ASB3: variants seen among roughly 807,000 people sequenced by gnomAD.
The protein encoded by ASB3 is ankyrin repeat and SOCS box containing 3.
A neutral mutation model predicts 54.5 loss-of-function variants in ASB3; 41 were observed. The ratio of observed to expected loss-of-function variants is 0.75; its 90% confidence interval spans 0.59 to 0.98. ASB3 has a LOEUF of 0.98. Ranked by LOEUF, ASB3 falls within the 50% of genes least tolerant of loss-of-function variation. The pLI is 0.00. For missense variants in ASB3, 733 were observed against 620.0 expected (o/e 1.18, Z -1.94); for synonymous variants, 266 against 221.2 (o/e 1.20, Z -1.80).
chr2:53,723,555 C>A (rs146390391), intron 5 of ASB3, among the ~76,000 whole-genome samples: 1 of 152,038 alleles, frequency 6.6e-6, no homozygotes, highest in South Asian at 2.1e-4. Flanking sequence ...ACTACCGACA[C>A]CATTTTTTAC....
chr2:53,735,462 T>C (rs954843883), intron 3 of ASB3, among the ~76,000 whole-genome samples: 1 of 131,166 alleles, frequency 7.6e-6, no homozygotes, highest in African/African-American at 3.0e-5. Context: ...AACTACAAAA[T>C]ACTACTGAGA....
intron 2 of ASB3, among the ~76,000 whole-genome samples, chr2:53,752,436 A>G (rs936804327): frequency 6.6e-6 from 1 of 152,222 alleles, no homozygotes; most frequent in African/African-American, 2.4e-5. Flanking sequence ...ACCACCACAC[A>G]TGAGCTGAAG....
At chr2:53,750,286 T>A (rs1323254068) in intron 3 of ASB3, among the ~76,000 whole-genome samples, 2 of 152,128 alleles carry the variant, frequency 1.3e-5, no homozygotes, top group East Asian at 3.8e-4. Flanking sequence ...AGAATTTGGC[T>A]GTCGTCCTTA....
chr2:53,747,415 G>A (rs570883592), intron 3 of ASB3, among the ~76,000 whole-genome samples: 9 of 152,174 alleles, frequency 5.9e-5, no homozygotes, highest in East Asian at 3.9e-4. Context: ...GCGTGGTGGC[G>A]GGGGCTTGTA....
chr2:53,670,498 C>T lies in ASB3; in HGVS notation c.*5G>A. On this transcript the variant is annotated 3_prime_UTR_variant, in exon 10 of 10. Coordinates refer to ENST00000263634, the MANE Select transcript of ASB3 (RefSeq NM_016115.5). Reference sequence around the variant, plus strand: ...AAATTAGCTGTGTTAAGTAGTTTCACTGATTTATCCATCTTGAATAGCTGC... The same window carrying T: ...AAATTAGCTGTGTTAAGTAGTTTCATTGATTTATCCATCTTGAATAGCTGC... 2 of 1,611,188 alleles carry T rather than the reference C, an allele frequency of 1.2e-6. No individual in the cohort carries two copies. Among genetic ancestry groups the T allele is most frequent in the East Asian group, 2.2e-5 (1 of 44,822 alleles).
intron 7 of ASB3, among the ~76,000 whole-genome samples, chr2:53,713,942 C>T (rs1288977932): frequency 6.6e-6 from 1 of 152,030 alleles, no homozygotes; most frequent in Non-Finnish European, 1.5e-5. Context: ...TAATGCTATC[C>T]ACCAAATACA....
chr2:53,734,180 T>A (rs1671485657), intron 3 of ASB3, among the ~76,000 whole-genome samples: 1 of 152,182 alleles, frequency 6.6e-6, no homozygotes, highest in Non-Finnish European at 1.5e-5. Flanking sequence ...TATGGCCAGT[T>A]TTCGGGCCAG....
intron 2 of ASB3, among the ~76,000 whole-genome samples, chr2:53,757,313 G>A (rs192265714): frequency 4.4e-4 from 67 of 152,326 alleles, no homozygotes; most frequent in African/African-American, 1.5e-3. Context: ...GGTTGGGAGC[G>A]TTGGTCTGCC....
chr2:53,676,478 C>T (rs746630137), intron 9 of ASB3, among the ~76,000 whole-genome samples: 2 of 152,178 alleles, frequency 1.3e-5, no homozygotes, highest in Non-Finnish European at 2.9e-5. Context: ...TAGTAAACGA[C>T]GGACCACATA....
intron 1 of ASB3, among the ~76,000 whole-genome samples, chr2:53,772,594 G>T (rs1420110654): frequency 6.6e-6 from 1 of 151,912 alleles, no homozygotes; most frequent in African/African-American, 2.4e-5. Flanking sequence ...ACCCTTAAAA[G>T]CTCTCTTCAC....
intron 5 of ASB3, among the ~76,000 whole-genome samples, chr2:53,722,409 T>C (rs983448166): frequency 4.4e-4 from 67 of 152,214 alleles, no homozygotes; most frequent in Middle Eastern, 6.8e-3. Flanking sequence ...CTGACGAACA[T>C]AGATACAAAA....
chr2:53,673,716 A>C (rs1170446415), intron 9 of ASB3, among the ~76,000 whole-genome samples: 1 of 152,216 alleles, frequency 6.6e-6, no homozygotes, highest in Non-Finnish European at 1.5e-5. Flanking sequence ...TAATTCTCCA[A>C]CATCTTCTAA....
intron 9 of ASB3, among the ~76,000 whole-genome samples, chr2:53,678,195 T>C (rs1468891890): frequency 6.6e-6 from 1 of 152,050 alleles, no homozygotes; most frequent in African/African-American, 2.4e-5. Flanking sequence ...CTTGGTAAAT[T>C]ACCAGTACAC....
At chr2:53,781,034 T>C (rs1674614401) in intron 1 of ASB3, among the ~76,000 whole-genome samples, 1 of 152,204 alleles carries the variant, frequency 6.6e-6, no homozygotes, top group South Asian at 2.1e-4. Context: ...GTATCATTTA[T>C]TGAACATTTA....
intron 1 of ASB3, chr2:53,772,025 T>A: frequency 2.4e-6 from 2 of 819,978 alleles, no homozygotes. Context: ...TTAACAATCA[T>A]CACAGACAAT....
intron 2 of ASB3, chr2:53,763,640 C>T (rs551939202): frequency 5.9e-6 from 1 of 169,462 alleles, no homozygotes; most frequent in South Asian, 2.0e-4. Flanking sequence ...AGTTCAAATG[C>T]CTTTAGTCAA....
Position 53,776,430 on chromosome 2 carries a change from T to C in ASB3, c.-14+10391A>G, listed in dbSNP as rs1445814688. Among the ~76,000 whole-genome samples, 7 of 152,226 alleles carry C rather than the reference T, an allele frequency of 4.6e-5. No homozygotes were observed. The East Asian group carries it at 5.8e-4, about 13-fold the overall frequency. On this transcript the variant is annotated intron_variant, in intron 1 of 9. Coordinates refer to ENST00000263634, the MANE Select transcript of ASB3 (RefSeq NM_016115.5). ...AGTTACCTATCAAATGTTCCTGTTATGCCTATCTTTTTTCAGCAAAAATAC... is the reference window on the plus strand; with the variant it reads ...AGTTACCTATCAAATGTTCCTGTTACGCCTATCTTTTTTCAGCAAAAATAC...
At position 53,729,467 on chromosome 2, in the gene ASB3, A is replaced by T. The variant is rs1196882954; in HGVS notation, c.459T>A (p.Ala153=). Residue 153 remains alanine, a synonymous_variant, in exon 4 of 10, where the codon GCT becomes GCA. Transcript: ENST00000263634. ...SMCGWNSLHQ[A]SFQENAEIIK... is the part of the protein sequence containing the mutation. ...TAAATTCAGAGGTTACCTGAAAAGA[A>T]GCCTGGTGCAAGGAGTTCCATCCAC... The T allele has an allele frequency of 6.2e-7, 1 of 1,613,804 alleles. No homozygotes were observed. The highest frequency in any genetic ancestry group is 8.5e-7 in the Non-Finnish European group (1 of 1,179,762).
rs770967538 is a variant in ASB3, at chr2:53,729,573, G to GTT, written c.356-4_356-3insAA. On this transcript the variant is annotated splice_polypyrimidine_tract_variant and splice_region_variant and intron_variant, in intron 3 of 9. Transcript: ENST00000263634. Reference sequence around the variant, plus strand: ...ATCTATCTGTCCATTTTCAACAGCTGTAATACAGCAGTTAGAAAAATTAAT... The same window carrying GTT: ...ATCTATCTGTCCATTTTCAACAGCTGTTTAATACAGCAGTTAGAAAAATTAAT... 272 of 1,613,166 alleles carry GTT rather than the reference G, an allele frequency of 1.7e-4. No individual in the cohort carries two copies. The highest frequency in any genetic ancestry group is 1.9e-4 in the Non-Finnish European group (222 of 1,179,362).
Sources: allele counts gnomAD v4.1 joint callset (sites outside exome capture counted in the v4.1 genomes callset), GRCh38; gene constraint gnomAD v4.1.1; transcripts MANE v1.5; gene names NCBI Gene and HGNC (gene_info 2026-07-23, HGNC 2026-07-21).